Variants in LIMK1 observed in about 807,000 individuals in gnomAD.
LIMK1 encodes the protein LIM domain kinase 1.
Under a neutral mutation model 77.6 loss-of-function variants are expected in LIMK1, and 21 were observed. That is an observed-to-expected ratio of 0.27 (90% CI 0.19 to 0.39). LIMK1 has a LOEUF of 0.39. LIMK1 is among the 10% of genes least tolerant of loss of function. The probability of loss-of-function intolerance (pLI) is 1.00; values close to 1 mark genes in which losing one functional copy is unlikely to be tolerated. For missense variants in LIMK1, 696 were observed against 901.6 expected (o/e 0.77, Z 2.92); for synonymous variants, 358 against 370.0 (o/e 0.97, Z 0.37).
chr7:74,112,843 C>T (rs1799730817), intron 12 of LIMK1, among the ~76,000 whole-genome samples: 1 of 151,108 alleles, frequency 6.6e-6, no homozygotes, highest in Non-Finnish European at 1.5e-5. Context: ...AAAGAGGAGG[C>T]TTTAGGTGGA....
At chr7:74,119,823 G>T (rs201882268) in intron 13 of LIMK1, among the ~76,000 whole-genome samples, 1 of 151,986 alleles carries the variant, frequency 6.6e-6, no homozygotes, top group East Asian at 1.9e-4. Context: ...CAGGAGAATC[G>T]CTTGAACCCA....
rs971069580 is a variant in LIMK1 at position 74,093,362 on chromosome 7, T to G, written c.153-3260T>G. The G allele has an allele frequency of 7.9e-6, 12 of 1,525,778 alleles. No homozygotes were observed. The African/African-American group carries it at 1.4e-4, about 17-fold the overall frequency. The allele number at this position is 1,525,778 out of a possible 1,614,324, so 94.5% of individuals were successfully genotyped here. The stretch of plus-strand genomic sequence containing the variant: ...CAGGCAGGGCCCCTGGTGTAAGGCC[T>G]GGGGCTGGAAGCCGACCCACCTAGG... On this transcript the variant is annotated intron_variant, in intron 2 of 15. Transcript: ENST00000336180.
At position 74,109,279 on chromosome 7, in the gene LIMK1, G is replaced by A. The variant is rs187442881; in HGVS notation, c.1284+243G>A. On this transcript the variant is annotated intron_variant, in intron 10 of 15. Transcript: ENST00000336180. Reference sequence around the variant, plus strand: ...GGAGCCCAAGGCAAGAGGATCACTCGAGGCCAGGAATTCAAGGCTGCAGTG... The same window carrying A: ...GGAGCCCAAGGCAAGAGGATCACTCAAGGCCAGGAATTCAAGGCTGCAGTG... 117 of 466,516 alleles carry A rather than the reference G, an allele frequency of 2.5e-4. 2 individuals carry two copies. Among genetic ancestry groups the A allele is most frequent in the African/African-American group, 1.7e-3 (88 of 50,946 alleles). The allele number at this position is 466,516 out of a possible 1,614,324, so 28.9% of individuals were successfully genotyped here.
intron 8 of LIMK1, 47 bp downstream of exon 8, chr7:74,107,240 T>A: frequency 1.3e-6 from 2 of 1,522,046 alleles, no homozygotes; most frequent in Non-Finnish European, 1.8e-6. Flanking sequence ...GTGGGACCCC[T>A]CCATCCTCCT....
chr7:74,108,794 C>T lies in LIMK1; in HGVS notation c.1153-111C>T. 6.7e-6 allele frequency: 10 copies of T among 1,490,056 alleles called. No homozygotes were observed. In the East Asian group the frequency reaches 1.4e-4, roughly 21 times the overall value. The allele number at this position is 1,490,056 out of a possible 1,614,324, so 92.3% of individuals were successfully genotyped here. A position where few individuals can be genotyped will look rare whatever the true frequency, so the allele number is the denominator to read the frequency against. On this transcript the variant is annotated intron_variant, in intron 9 of 15. Coordinates refer to ENST00000336180, the MANE Select transcript of LIMK1 (RefSeq NM_002314.4). ...GGCAGGAGAGGGGAGCTGGGGGTTCCGTATCTTTGAGACCGCCTACAGCCC... is the reference window on the plus strand; with the variant it reads ...GGCAGGAGAGGGGAGCTGGGGGTTCTGTATCTTTGAGACCGCCTACAGCCC...
rs1240429597 is a variant in LIMK1, at chr7:74,099,229, G to A, written c.599G>A (p.Arg200His). The change falls in exon 5 of 16, where the codon CGC becomes CAC. Residue 200 changes from arginine to histidine, a missense_variant. Arg to His is a conservative substitution (Grantham distance 29). This residue lies in a region of LIMK1 where 252 missense variants were observed against 279.4 expected (regional missense o/e 0.90). Transcript: ENST00000336180. ...GGCACCGAGCACTCACACACCGTCC[G>A]CGTCCAGGGGTGAGTGGCCGGCCTG... ...GCGTEHSHTV[R>H]VQGVDPGCMS... is the part of the protein sequence containing the mutation. The A allele has an allele frequency of 7.5e-6, 12 of 1,604,142 alleles. No individual in the cohort carries two copies. Among genetic ancestry groups the A allele is most frequent in the African/African-American group, 2.7e-5 (2 of 74,910 alleles).
chr7:74,116,847 A>T (rs763960624), intron 13 of LIMK1, among the ~76,000 whole-genome samples: 4 of 151,728 alleles, frequency 2.6e-5, no homozygotes, highest in Admixed American at 1.3e-4. Flanking sequence ...GACCACAGGC[A>T]TGCAACACCA....
intron 2 of LIMK1, among the ~76,000 whole-genome samples, chr7:74,096,068 G>C (rs371451964): frequency 6.7e-6 from 1 of 149,368 alleles, no homozygotes; most frequent in Non-Finnish European, 1.5e-5. Context: ...AGGTTCAAGC[G>C]ATTCTTCTGC....
intron 10 of LIMK1, 91 bp from the exon 11 acceptor site, chr7:74,111,557 C>T (rs771063441): frequency 3.6e-5 from 38 of 1,061,994 alleles, no homozygotes; most frequent in Middle Eastern, 2.0e-4. Flanking sequence ...CCCTCTAGGA[C>T]GCTTGCCTCT....
chr7:74,110,699 T>G (rs1460278770), intron 10 of LIMK1: 1 of 151,736 alleles, frequency 6.6e-6, no homozygotes, highest in Non-Finnish European at 1.5e-5. Context: ...CCCGGCTAAT[T>G]TTTGCGTTTT....
chr7:74,106,871 A>G, intron 7 of LIMK1, 139 bp from the exon 8 acceptor site: 1 of 832,602 alleles, frequency 1.2e-6, no homozygotes, highest in South Asian at 1.9e-5. Context: ...GGACTGTCCC[A>G]GGCGGGCCCT....
chr7:74,106,325 C>A, intron 7 of LIMK1, 82 bp downstream of exon 7: 1 of 1,480,252 alleles, frequency 6.8e-7, no homozygotes. Flanking sequence ...GGTCGGGGAG[C>A]CAGCCCTGCA....
intron 5 of LIMK1, among the ~76,000 whole-genome samples, chr7:74,104,132 A>C (rs914755469): frequency 2.7e-5 from 4 of 150,862 alleles, no homozygotes; most frequent in African/African-American, 9.8e-5. Context: ...GGGTCTTGCT[A>C]TGCTGCCCAG....
At chr7:74,120,358 C>A (rs1159295200) in intron 13 of LIMK1, among the ~76,000 whole-genome samples, 1 of 152,244 alleles carries the variant, frequency 6.6e-6, no homozygotes, top group African/African-American at 2.4e-5. Flanking sequence ...AACTCCTTGT[C>A]CAGGGCTCTG....
intron 5 of LIMK1, among the ~76,000 whole-genome samples, chr7:74,101,939 C>T (rs1186237500): frequency 1.3e-5 from 2 of 152,078 alleles, no homozygotes; most frequent in East Asian, 1.9e-4. Flanking sequence ...ATCCACTCAC[C>T]TCGGCCTCCT....
At chr7:74,109,418 T>C (rs1010096892) in intron 10 of LIMK1, 1 of 272,608 alleles carries the variant, frequency 3.7e-6, no homozygotes, top group Non-Finnish European at 7.3e-6. Context: ...TACAAATCCA[T>C]CTTTAGAAAT....
chr7:74,117,256 G>A (rs1056042199), intron 13 of LIMK1, among the ~76,000 whole-genome samples: 10 of 152,000 alleles, frequency 6.6e-5, no homozygotes, highest in East Asian at 5.8e-4. Context: ...GGCTTCAGGC[G>A]ATCCTCCTGC....
At chr7:74,088,090 A>G (rs576699503) in intron 2 of LIMK1, among the ~76,000 whole-genome samples, 1 of 152,190 alleles carries the variant, frequency 6.6e-6, no homozygotes, top group South Asian at 2.1e-4. Context: ...TTTCTTTTTT[A>G]GGAATAACGT....
chr7:74,093,176 G>A, intron 2 of LIMK1: 1 of 1,524,498 alleles, frequency 6.6e-7, no homozygotes, highest in South Asian at 1.2e-5. Context: ...CCCTGAGGGA[G>A]GATGGGGAAG....
Sources: gnomAD v4.1 joint callset for allele counts (sites outside exome capture counted in the v4.1 genomes callset) on GRCh38, gnomAD v4.1.1 for gene constraint, gnomAD v4.1.1 regional missense constraint, MANE v1.5 for transcripts, NCBI Gene and HGNC (gene_info 2026-07-23, HGNC 2026-07-21) for gene names.